FOXN2: variants seen among roughly 807,000 people sequenced by gnomAD.
FOXN2 encodes forkhead box protein N2.
In FOXN2, 19 loss-of-function variants were observed where a neutral mutation model predicts 41.2. That is an observed-to-expected ratio of 0.46 (90% CI 0.32 to 0.68). FOXN2 has a LOEUF of 0.68. Among genes scored for constraint, FOXN2 ranks in the 30% least tolerant of loss-of-function variants. FOXN2 has a pLI of 0.03. For missense variants in FOXN2, 587 were observed against 509.4 expected (o/e 1.15, Z -1.47); for synonymous variants, 195 against 176.8 (o/e 1.10, Z -0.82).
intron 6 of FOXN2, among the ~76,000 whole-genome samples, chr2:48,373,947 C>T (rs558209349): frequency 6.6e-6 from 1 of 151,726 alleles, no homozygotes; most frequent in Non-Finnish European, 1.5e-5. Context: ...CCCAGCTACT[C>T]AGGAGGCTGA....
At chr2:48,317,029 A>T (rs189430733) in intron 1 of FOXN2, among the ~76,000 whole-genome samples, 6 of 152,312 alleles carry the variant, frequency 3.9e-5, no homozygotes, top group Non-Finnish European at 7.3e-5. Flanking sequence ...TATGCTAACC[A>T]CTGAGAGCAA....
At chr2:48,314,404 T>A (rs988862054), upstream of FOXN2, among the ~76,000 whole-genome samples, 2 of 152,206 alleles carry the variant, frequency 1.3e-5, no homozygotes, top group African/African-American at 4.8e-5. Context: ...GCCTCCACCC[T>A]GCTTTCCGTG....
At chr2:48,355,362 C>G (rs1189317258) in intron 3 of FOXN2, among the ~76,000 whole-genome samples, 1 of 151,918 alleles carries the variant, frequency 6.6e-6, no homozygotes, top group Non-Finnish European at 1.5e-5. Context: ...AATCATCTTA[C>G]AATTTTAAAA....
chr2:48,333,126 T>TTATAATTATA (rs1670118954), intron 2 of FOXN2, among the ~76,000 whole-genome samples: 2 of 152,152 alleles, frequency 1.3e-5, no homozygotes, highest in Admixed American at 6.5e-5. Flanking sequence ...GGCTTTCATT[T>TTATAATTATA]TATAATTATA....
intron 5 of FOXN2, among the ~76,000 whole-genome samples, chr2:48,365,337 T>C (rs920329081): frequency 3.9e-5 from 6 of 152,214 alleles, no homozygotes; most frequent in Non-Finnish European, 8.8e-5. Context: ...TCCTGTTACC[T>C]ACATCAGTCA....
intron 3 of FOXN2, among the ~76,000 whole-genome samples, chr2:48,355,271 G>T (rs1211674042): frequency 6.6e-6 from 1 of 152,142 alleles, no homozygotes; most frequent in Non-Finnish European, 1.5e-5. Context: ...GAGAAAGGAA[G>T]AAATTAAGGA....
intron 5 of FOXN2, among the ~76,000 whole-genome samples, chr2:48,368,236 T>A (rs899809564): frequency 6.6e-6 from 1 of 150,764 alleles, no homozygotes; most frequent in African/African-American, 2.4e-5. Flanking sequence ...GAACTGGATA[T>A]GTTAGATAAT....
chr2:48,348,131 A>G (rs1011125028), intron 3 of FOXN2, among the ~76,000 whole-genome samples: 2 of 151,850 alleles, frequency 1.3e-5, no homozygotes, highest in African/African-American at 4.8e-5. Flanking sequence ...TTTGCTCATT[A>G]TCTCTTCAAA....
intron 3 of FOXN2, among the ~76,000 whole-genome samples, chr2:48,354,672 A>C (rs1352431442): frequency 5.3e-5 from 8 of 152,266 alleles, no homozygotes; most frequent in Non-Finnish European, 1.5e-5. Context: ...CTTTTGCTAA[A>C]TGTGGAGTTG....
intron 1 of FOXN2, among the ~76,000 whole-genome samples, chr2:48,316,538 GTGATT>G (rs1393510096): frequency 6.6e-6 from 1 of 152,148 alleles, no homozygotes; most frequent in Non-Finnish European, 1.5e-5. Context: ...GGATGAAGTA[GTGATT>G]TGATTTGTGT....
Position 48,346,513 on chromosome 2 carries a change from G to T in FOXN2, c.299G>T (p.Cys100Phe), listed in dbSNP as rs140431726. 30 of 1,613,806 alleles carry T rather than the reference G, an allele frequency of 1.9e-5. No individual in the cohort carries two copies. Among genetic ancestry groups the T allele is most frequent in the Non-Finnish European group, 2.5e-5 (29 of 1,179,956 alleles). ...GATGTGCCATCCTTTGGACCAGCTT[G>T]CTACCAGAACCCAGAAAAAAAATCA... ...GDDVPSFGPA[C>F]YQNPEKKSAT... The change falls in exon 3 of 7, where the codon TGC (cysteine) becomes TTC (phenylalanine). Residue 100 changes from cysteine (C) to phenylalanine (F), a missense_variant. Cys to Phe is a radical substitution (Grantham distance 205). Transcript: ENST00000340553.
At chr2:48,316,803 T>C (rs910850277) in intron 1 of FOXN2, among the ~76,000 whole-genome samples, 6 of 152,212 alleles carry the variant, frequency 3.9e-5, no homozygotes, top group African/African-American at 1.4e-4. Context: ...GTATTGTATG[T>C]TTTTATTTGA....
chr2:48,318,672 C>A (rs147116993), intron 1 of FOXN2, among the ~76,000 whole-genome samples: 8 of 152,308 alleles, frequency 5.3e-5, no homozygotes, highest in African/African-American at 1.9e-4. Flanking sequence ...ATTTTCCTTT[C>A]TATAAACGAA....
chr2:48,355,631 C>T (rs1671745491), intron 3 of FOXN2, among the ~76,000 whole-genome samples: 1 of 151,910 alleles, frequency 6.6e-6, no homozygotes. Context: ...TCTGTGGAAG[C>T]CAAATATACT....
chr2:48,357,882 GA>G (rs1671910135), intron 3 of FOXN2, among the ~76,000 whole-genome samples: 1 of 105,256 alleles, frequency 9.5e-6, no homozygotes. Context: ...AAAAAAAAAA[GA>G]AAATGTCAAA....
intron 5 of FOXN2, among the ~76,000 whole-genome samples, chr2:48,371,644 G>T (rs1417842236): frequency 6.6e-6 from 1 of 152,058 alleles, no homozygotes; most frequent in Non-Finnish European, 1.5e-5. Flanking sequence ...TTCCGTGAAG[G>T]ATATCATTGG....
chr2:48,357,532 C>T (rs1321481551), intron 3 of FOXN2, among the ~76,000 whole-genome samples: 2 of 150,392 alleles, frequency 1.3e-5, no homozygotes, highest in Non-Finnish European at 3.0e-5. Context: ...CAGCGTTTCA[C>T]TCTGTCACCC....
intron 1 of FOXN2, among the ~76,000 whole-genome samples, chr2:48,321,858 A>G (rs1669344318): frequency 6.6e-6 from 1 of 152,190 alleles, no homozygotes; most frequent in Non-Finnish European, 1.5e-5. Flanking sequence ...TACATTTCTT[A>G]TTGTGGGATA....
At chr2:48,365,615 T>C (rs77823106) in intron 5 of FOXN2, among the ~76,000 whole-genome samples, 2,542 of 152,148 alleles carry the variant, frequency 0.017, 54 homozygotes, top group South Asian at 0.061. Context: ...CACAGGTACT[T>C]CTTCTTCATC....
Sources: allele counts gnomAD v4.1 joint callset (sites outside exome capture counted in the v4.1 genomes callset), GRCh38; gene constraint gnomAD v4.1.1; transcripts MANE v1.5; gene names NCBI Gene and HGNC (gene_info 2026-07-23, HGNC 2026-07-21).